The following STARD13 variants were observed in gnomAD, a reference collection of about 807,000 sequenced individuals.
STARD13 encodes stAR-related lipid transfer protein 13.
A neutral mutation model predicts 106.4 loss-of-function variants in STARD13; 62 were observed. The observed-to-expected ratio is 0.58, with a 90% CI of 0.48 to 0.72. The LOEUF is 0.72. Ranked by LOEUF, STARD13 falls within the 30% of genes least tolerant of loss-of-function variation. The probability of loss-of-function intolerance (pLI) is 0.00; values close to 1 mark genes in which losing one functional copy is unlikely to be tolerated. For missense variants in STARD13, 1,387 were observed against 1,424.0 expected, an observed-to-expected ratio of 0.97 and a Z score of 0.42; for synonymous variants, 565 against 553.0, an observed-to-expected ratio of 1.02 and a Z score of -0.31.
At chr13:33,518,234 C>T in the STARD13 span, among the ~76,000 whole-genome samples, 1 of 152,120 alleles carries the variant, frequency 6.6e-6, no homozygotes, top group Non-Finnish European at 1.5e-5. Flanking sequence ...AATTACCCCC[C>T]ATCCCAGATT....
Position 33,127,469 on chromosome 13 carries a change from G to A in STARD13, c.1826C>T (p.Thr609Met), listed in dbSNP as rs144801804. 9.5e-4 allele frequency: 1,514 copies of A among 1,598,316 alleles called. 1 individual carries two copies. The highest frequency in any genetic ancestry group is 1.3e-3 in the Middle Eastern group (6 of 4,754). The change falls in exon 6 of 14, where the codon ACG becomes ATG. Residue 609 changes from threonine to methionine, a missense_variant. Transcript: ENST00000336934. ...CTGGAGCAGGCTCAGCTGGCTGGCCGTCTGGCTGCTGATGTGGGGCGATGC... is the reference window on the plus strand; with the variant it reads ...CTGGAGCAGGCTCAGCTGGCTGGCCATCTGGCTGCTGATGTGGGGCGATGC... ...APASPHISSQ[T>M]ASQLSLLQRF...
chr13:33,317,475 C>A (rs1451697178), intron 1 of STARD13, among the ~76,000 whole-genome samples: 1 of 152,172 alleles, frequency 6.6e-6, no homozygotes, highest in African/African-American at 2.4e-5. Context: ...ACTACTGCAG[C>A]AGCCCTGCTT....
At chr13:33,378,219 C>A in the STARD13 span, among the ~76,000 whole-genome samples, 2 of 152,134 alleles carry the variant, frequency 1.3e-5, no homozygotes, top group Non-Finnish European at 2.9e-5. Flanking sequence ...ATTTCAGCAC[C>A]CCCACTCCCT....
chr13:33,462,301 C>T, the STARD13 span, among the ~76,000 whole-genome samples: 1 of 152,174 alleles, frequency 6.6e-6, no homozygotes, highest in Admixed American at 6.5e-5. Flanking sequence ...TTTCCCCAGT[C>T]TTTGAAATAT....
the STARD13 span, among the ~76,000 whole-genome samples, chr13:33,583,252 C>T: frequency 1.7e-4 from 26 of 152,146 alleles, no homozygotes; most frequent in African/African-American, 6.3e-4. Flanking sequence ...TATCATAATC[C>T]AAACATGGAA....
intron 1 of STARD13, among the ~76,000 whole-genome samples, chr13:33,327,695 T>C (rs1195827491): frequency 1.3e-5 from 2 of 152,254 alleles, no homozygotes; most frequent in Non-Finnish European, 2.9e-5. Flanking sequence ...ATAATCAGTA[T>C]TATTTTTTAT....
Position 33,103,165 on chromosome 13 carries a change from T to C in STARD13, c.*2428A>G, listed in dbSNP as rs1159090656. ...TATAGAAAATAGGAAATATTTAATATATATAAATTTATTTGCCTTGGCAAT... is the reference window on the plus strand; with the variant it reads ...TATAGAAAATAGGAAATATTTAATACATATAAATTTATTTGCCTTGGCAAT... On this transcript the variant is annotated 3_prime_UTR_variant, in exon 14 of 14. Coordinates refer to ENST00000336934, the MANE Select transcript of STARD13 (RefSeq NM_178006.4). 6.6e-6 allele frequency: 1 copy of C among 152,488 alleles called. No homozygotes were observed. The highest frequency in any genetic ancestry group is 2.4e-5 in the African/African-American group (1 of 41,454). The allele number at this position is 152,488 out of a possible 1,614,324, so 9.4% of individuals were successfully genotyped here.
chr13:33,567,369 G>A, the STARD13 span, among the ~76,000 whole-genome samples: 3 of 148,268 alleles, frequency 2.0e-5, no homozygotes, highest in Non-Finnish European at 3.0e-5. Flanking sequence ...ACACAAAATA[G>A]AACTTACACC....
intron 1 of STARD13, among the ~76,000 whole-genome samples, chr13:33,263,596 G>A (rs553228268): frequency 6.6e-6 from 1 of 152,274 alleles, no homozygotes; most frequent in South Asian, 2.1e-4. Flanking sequence ...GCTTAAATGA[G>A]CCTAATGTAT....
the STARD13 span, among the ~76,000 whole-genome samples, chr13:33,443,888 CA>C: frequency 0.098 from 4,933 of 50,278 alleles, 119 homozygotes; most frequent in African/African-American, 0.27. Context: ...GACTCAGTCT[CA>C]AAAAAAAAAA....
chr13:33,282,769 G>A (rs1002509835), intron 1 of STARD13, among the ~76,000 whole-genome samples: 2 of 152,166 alleles, frequency 1.3e-5, no homozygotes, highest in African/African-American at 4.8e-5. Flanking sequence ...GCTCACATTT[G>A]TAATCCCCGC....
At chr13:33,240,446 T>G (rs1889416463) in intron 1 of STARD13, among the ~76,000 whole-genome samples, 1 of 152,150 alleles carries the variant, frequency 6.6e-6, no homozygotes, top group Admixed American at 6.5e-5. Flanking sequence ...TTTTGATAGG[T>G]ATTGCACTGG....
chr13:33,642,393 T>C, the STARD13 span, among the ~76,000 whole-genome samples: 60,617 of 152,020 alleles, frequency 0.4, 12,333 homozygotes, highest in East Asian at 0.53. Flanking sequence ...GAGCAAAAGT[T>C]GGTGGGCCTG....
At chr13:33,578,460 C>T in the STARD13 span, among the ~76,000 whole-genome samples, 2 of 152,114 alleles carry the variant, frequency 1.3e-5, no homozygotes, top group East Asian at 3.9e-4. Context: ...AAGAATGAAA[C>T]TGGATCCCTC....
chr13:33,258,308 TA>T (rs1337991707), intron 1 of STARD13, among the ~76,000 whole-genome samples: 5 of 152,102 alleles, frequency 3.3e-5, no homozygotes, highest in Non-Finnish European at 5.9e-5. Flanking sequence ...ACCATTTTCC[TA>T]AAAAAATAGA....
chr13:33,669,955 C>T, the STARD13 span, among the ~76,000 whole-genome samples: 1 of 152,204 alleles, frequency 6.6e-6, no homozygotes, highest in African/African-American at 2.4e-5. Context: ...GAAGATTGTT[C>T]CTGCCCTGGT....
At chr13:33,280,672 A>G (rs1891730659) in intron 1 of STARD13, 1 of 152,206 alleles carries the variant, frequency 6.6e-6, no homozygotes, top group Admixed American at 6.5e-5. Context: ...TTACATCGAT[A>G]TTAATGAAAG....
At chr13:33,376,715 G>A in the STARD13 span, among the ~76,000 whole-genome samples, 1,566 of 152,248 alleles carry the variant, frequency 0.01, 40 homozygotes, top group African/African-American at 0.036. Context: ...TTGGGATTGG[G>A]TGAGATATCT....
At chr13:33,136,670 C>T (rs1879096992) in intron 4 of STARD13, among the ~76,000 whole-genome samples, 1 of 152,218 alleles carries the variant, frequency 6.6e-6, no homozygotes, top group African/African-American at 2.4e-5. Flanking sequence ...AAAGCCCAGA[C>T]CCAGCCACAC....
Sources: gnomAD v4.1 joint callset for allele counts (sites outside exome capture counted in the v4.1 genomes callset) on GRCh38, gnomAD v4.1.1 for gene constraint, MANE v1.5 for transcripts, NCBI Gene and HGNC (gene_info 2026-07-23, HGNC 2026-07-21) for gene names.